USP13: variants seen among roughly 807,000 people sequenced by gnomAD.
The protein encoded by USP13 is ubiquitin specific peptidase 13, also known as ubiquitin carboxyl-terminal hydrolase 13.
In USP13, 68 loss-of-function variants were observed where a neutral mutation model predicts 107.8. The ratio of observed to expected loss-of-function variants is 0.63; its 90% CI spans 0.52 to 0.77. USP13 has a LOEUF of 0.77. USP13 is among the 30% of genes least tolerant of loss of function. The pLI, the probability that USP13 is intolerant of heterozygous loss-of-function variation, is 0.00. For synonymous variants in USP13, 377 were observed against 389.5 expected, an observed-to-expected ratio of 0.97 and a Z score of 0.38; for missense variants, 945 against 1,093.3, an observed-to-expected ratio of 0.86 and a Z score of 1.91.
At chr3:179,777,233 A>G (rs1271156328) in intron 19 of USP13, among the ~76,000 whole-genome samples, 1 of 152,030 alleles carries the variant, frequency 6.6e-6, no homozygotes, top group Admixed American at 6.6e-5. Flanking sequence ...ATGTTTGGAT[A>G]TAGTGGGATG....
Position 179,653,581 on chromosome 3 carries a change from C to G in USP13, c.168+188C>G, listed in dbSNP as rs1720156597. ...GGGCTGCTGCAGCCGAGGACTGGCT[C>G]GTGCTGGTGGTTTTGCTCCGCCAGC... On this transcript the variant is annotated intron_variant, in intron 1 of 20. Transcript: ENST00000263966. The surrounding 1 kb of genome is among the most constrained non-coding windows in gnomAD (Gnocchi z 4.0). The G allele has an allele frequency of 2.5e-6, 2 of 815,842 alleles. No individual in the cohort carries two copies. The highest frequency in any genetic ancestry group is 1.9e-5 in the South Asian group (1 of 51,542). 50.5% of individuals were successfully genotyped at this position (815,842 alleles called of 1,614,324 possible).
intron 1 of USP13, among the ~76,000 whole-genome samples, chr3:179,671,465 A>G (rs1720747870): frequency 6.6e-6 from 1 of 152,188 alleles, no homozygotes. Flanking sequence ...AAATTCCCAC[A>G]TTGTCTCCCC....
At chr3:179,720,505 A>T (rs1463072475) in intron 7 of USP13, among the ~76,000 whole-genome samples, 2 of 152,192 alleles carry the variant, frequency 1.3e-5, no homozygotes, top group African/African-American at 4.8e-5. Flanking sequence ...TGTGTTTTCA[A>T]ATTGATGTCA....
rs1713305374 is a variant in USP13 at position 179,721,248 on chromosome 3, C to G, written c.901-154C>G. Reference sequence around the variant, plus strand: ...CACTTTGTTGTGCCACCATCACCGTCTCTCAGTCTTTTTTATTTGCATTGT... The same window carrying G: ...CACTTTGTTGTGCCACCATCACCGTGTCTCAGTCTTTTTTATTTGCATTGT... On this transcript the variant is annotated intron_variant, in intron 7 of 20. Transcript: ENST00000263966. The surrounding 1 kb of genome is among the most constrained non-coding windows in gnomAD (Gnocchi z 4.3). Among the ~76,000 whole-genome samples the G allele has an allele frequency of 1.3e-5, 2 of 152,016 alleles. No homozygotes were observed. Among genetic ancestry groups the G allele is most frequent in the Middle Eastern group, 6.8e-3 (2 of 294 alleles).
intron 1 of USP13, among the ~76,000 whole-genome samples, chr3:179,679,296 AT>A (rs1711570082): frequency 2.0e-5 from 3 of 152,162 alleles, no homozygotes; most frequent in Non-Finnish European, 4.4e-5. Context: ...ATTTAAACAA[AT>A]TTTAAACAAA....
At chr3:179,771,078 A>G (rs538897537) in intron 19 of USP13, among the ~76,000 whole-genome samples, 20 of 152,304 alleles carry the variant, frequency 1.3e-4, no homozygotes, top group African/African-American at 4.3e-4. Context: ...TCCTGGGGGC[A>G]CTGGGCTGCA....
At chr3:179,679,511 A>G (rs1299801873) in intron 1 of USP13, among the ~76,000 whole-genome samples, 1 of 152,130 alleles carries the variant, frequency 6.6e-6, no homozygotes, top group Non-Finnish European at 1.5e-5. Context: ...GACTAACCAT[A>G]GCTTAAGAAA....
intron 19 of USP13, among the ~76,000 whole-genome samples, chr3:179,781,165 G>A (rs1715734065): frequency 6.6e-6 from 1 of 152,192 alleles, no homozygotes; most frequent in Non-Finnish European, 1.5e-5. Flanking sequence ...GAAGCCTGAA[G>A]TTTGGTCCCA....
chr3:179,703,783 A>G (rs1376499098), intron 4 of USP13, among the ~76,000 whole-genome samples: 1 of 152,240 alleles, frequency 6.6e-6, no homozygotes, highest in Non-Finnish European at 1.5e-5. Context: ...TCAAGAACAC[A>G]TAGATAATAA....
chr3:179,780,723 T>G (rs76055480), intron 19 of USP13, among the ~76,000 whole-genome samples: 2,254 of 152,222 alleles, frequency 0.015, 34 homozygotes, highest in Middle Eastern at 0.065. Flanking sequence ...GACTAGGGAT[T>G]GACAGCTGAG....
chr3:179,694,799 C>CAAAA (rs576517737), intron 3 of USP13, among the ~76,000 whole-genome samples: 2 of 82,138 alleles, frequency 2.4e-5, no homozygotes, highest in Admixed American at 1.2e-4. Context: ...AACTCCATCT[C>CAAAA]AAAAAAAAAA....
At chr3:179,735,979 G>A (rs1403080975) in intron 10 of USP13, among the ~76,000 whole-genome samples, 1 of 152,160 alleles carries the variant, frequency 6.6e-6, no homozygotes, top group Non-Finnish European at 1.5e-5. Context: ...GTTTGAGGAT[G>A]CAGTGAGCTG....
intron 10 of USP13, among the ~76,000 whole-genome samples, chr3:179,735,993 T>C (rs1474113756): frequency 1.3e-5 from 2 of 152,178 alleles, no homozygotes; most frequent in African/African-American, 4.8e-5. Flanking sequence ...TGAGCTGTGA[T>C]TGCACCATTG....
At position 179,785,541 on chromosome 3, in the gene USP13, A is replaced by G. The variant is rs1715894120; in HGVS notation, c.*1400A>G. The G allele has an allele frequency of 6.6e-6, 1 of 152,182 alleles. No individual in the cohort carries two copies. Among genetic ancestry groups the G allele is most frequent in the Non-Finnish European group, 1.5e-5 (1 of 68,028 alleles). The allele number at this position is 152,182 out of a possible 1,614,324, so 9.4% of individuals were successfully genotyped here. On this transcript the variant is annotated 3_prime_UTR_variant, in exon 21 of 21. Transcript: ENST00000263966. ...GTCTCTGGAGTTGCTATTTCAGAGTATTTGGTCAAACGAAAAAGAATTTAT... is the reference window on the plus strand; with the variant it reads ...GTCTCTGGAGTTGCTATTTCAGAGTGTTTGGTCAAACGAAAAAGAATTTAT...
At position 179,784,186 on chromosome 3, in the gene USP13, A is replaced by C. The variant is rs1206740221; in HGVS notation, c.*45A>C. The C allele has an allele frequency of 7.0e-7, 1 of 1,421,022 alleles. No individual in the cohort carries two copies. The highest frequency in any genetic ancestry group is 2.3e-5 in the East Asian group (1 of 43,798). The allele number at this position is 1,421,022 out of a possible 1,614,324, so 88.0% of individuals were successfully genotyped here. A position where few individuals can be genotyped will look rare whatever the true frequency, so the allele number is the denominator to read the frequency against. On this transcript the variant is annotated 3_prime_UTR_variant, in exon 21 of 21. Transcript: ENST00000263966. ...GCGAAAAGAAGCCATACGCCTTTTT[A>C]ATTTGCCAAAAAAAAAAAGAAGAAG...
At chr3:179,779,365 C>G (rs1715661671) in intron 19 of USP13, among the ~76,000 whole-genome samples, 1 of 152,002 alleles carries the variant, frequency 6.6e-6, no homozygotes, top group African/African-American at 2.4e-5. Context: ...AACCCTGTCT[C>G]TACTAAACAT....
intron 19 of USP13, among the ~76,000 whole-genome samples, chr3:179,772,061 G>A (rs1715356956): frequency 6.6e-6 from 1 of 152,144 alleles, no homozygotes; most frequent in Admixed American, 6.5e-5. Context: ...TTAGAATTCA[G>A]GCCTGTTTGA....
intron 10 of USP13, among the ~76,000 whole-genome samples, chr3:179,739,018 G>A (rs1327614000): frequency 6.6e-6 from 1 of 152,120 alleles, no homozygotes; most frequent in Non-Finnish European, 1.5e-5. Context: ...TCCTGTCATG[G>A]CTGGCTTTTT....
intron 19 of USP13, among the ~76,000 whole-genome samples, chr3:179,769,449 C>T (rs1255923657): frequency 1.3e-5 from 2 of 152,124 alleles, no homozygotes; most frequent in African/African-American, 4.8e-5. Flanking sequence ...GCTCTGTTCC[C>T]CAGGCTGGAG....
Sources: allele counts gnomAD v4.1 joint callset (sites outside exome capture counted in the v4.1 genomes callset), GRCh38; gene constraint gnomAD v4.1.1; non-coding constraint Gnocchi (gnomAD v3.1); transcripts MANE v1.5; gene names NCBI Gene and HGNC (gene_info 2026-07-23, HGNC 2026-07-21).